Variants in FGF13 observed in about 807,000 individuals in gnomAD.
FGF13 encodes fibroblast growth factor homologous factor 2.
Under a neutral mutation model 19.5 loss-of-function variants are expected in FGF13, and 2 were observed. The observed-to-expected ratio is 0.10, with a 90% CI of 0.04 to 0.32. FGF13 has a LOEUF of 0.32. FGF13 is among the 10% of genes least tolerant of loss of function. The pLI, the probability that FGF13 is intolerant of heterozygous loss-of-function variation, is 1.00. For missense variants in FGF13, 113 were observed against 192.7 expected (o/e 0.59, Z 2.45); for synonymous variants, 72 against 76.9 (o/e 0.94, Z 0.33).
intron 3 of FGF13, among the ~76,000 whole-genome samples, chrX:138,769,775 A>T (rs2090531780): frequency 8.9e-6 from 1 of 112,328 alleles, no homozygotes; most frequent in Admixed American, 9.4e-5. Flanking sequence ...AGCCCCCTGG[A>T]ATTTGGGCCA....
At chrX:138,774,065 G>C (rs1256567073) in intron 3 of FGF13, among the ~76,000 whole-genome samples, 1 of 111,488 alleles carries the variant, frequency 9.0e-6, no homozygotes. Context: ...TGCCTGTAAA[G>C]CTCTTGCCTC....
intron 3 of FGF13, among the ~76,000 whole-genome samples, chrX:138,833,473 G>A (rs769124448): frequency 1.8e-5 from 2 of 111,969 alleles, no homozygotes; most frequent in South Asian, 7.5e-4. Context: ...GACTGTTGGT[G>A]TACAGGAATG....
chrX:139,037,712 A>T (rs7889036), intron 1 of FGF13, among the ~76,000 whole-genome samples: 17,624 of 111,605 alleles, frequency 0.16, 1,264 homozygotes, highest in African/African-American at 0.28. Flanking sequence ...ACAATTACAT[A>T]GGGCCTGCCC....
rs2089097600 is a variant in FGF13 at position 138,629,783 on chromosome X, G to T, written c.*3067C>A. The stretch of plus-strand genomic sequence containing the variant: ...CCTGGAAACTTGTTAGAAATGCCAA[G>T]TTTTGGGCCCACACAAGACTCACTC... On this transcript the variant is annotated 3_prime_UTR_variant, in exon 5 of 5. Transcript: ENST00000315930. 1.8e-5 allele frequency: 2 copies of T among 111,643 alleles called. No homozygotes were observed. The highest frequency in any genetic ancestry group is 3.8e-5 in the Non-Finnish European group (2 of 53,201). 9.2% of individuals were successfully genotyped at this position (111,643 alleles called of 1,213,427 possible).
intron 1 of FGF13, among the ~76,000 whole-genome samples, chrX:139,012,862 T>C (rs2092135471): frequency 8.9e-6 from 1 of 111,893 alleles, no homozygotes; most frequent in Non-Finnish European, 1.9e-5. Context: ...TTAATTAAAC[T>C]AAAAAGCTTC....
intron 1 of FGF13, among the ~76,000 whole-genome samples, chrX:139,051,360 T>C (rs1335361770): frequency 8.9e-6 from 1 of 111,908 alleles, no homozygotes; most frequent in African/African-American, 3.2e-5. Context: ...TCAGGTTGTG[T>C]ATCCTAAGTC....
chrX:138,660,708 CTAACTATA>C (rs2089482479), intron 3 of FGF13, among the ~76,000 whole-genome samples: 1 of 111,353 alleles, frequency 9.0e-6, no homozygotes, highest in African/African-American at 3.3e-5. Context: ...CTTATCCTAT[CTAACTATA>C]TTTTTGTACC....
intron 4 of FGF13, 87 bp downstream of exon 4, chrX:138,635,370 A>G (rs1456568159): frequency 9.0e-6 from 9 of 995,492 alleles, no homozygotes; most frequent in Non-Finnish European, 1.2e-5. Context: ...ACCAAAAACC[A>G]CCTGTACCCC....
At chrX:138,985,038 G>A (rs755229857) in intron 1 of FGF13, 1 of 371,972 alleles carries the variant, frequency 2.7e-6, no homozygotes, top group East Asian at 7.6e-5. Flanking sequence ...GCTTCCTCCT[G>A]AAGAACTCAA....
Position 138,708,744 on chromosome X carries a change from T to C in FGF13, c.298+74A>G, listed in dbSNP as rs763219652. 5.5e-5 allele frequency: 37 copies of C among 676,255 alleles called. No homozygotes were observed. In the African/African-American group the frequency reaches 7.3e-4, roughly 13 times the overall value. 55.7% of individuals were successfully genotyped at this position (676,255 alleles called of 1,213,427 possible). Reference sequence around the variant, plus strand: ...TTAATTCAGGATTTAGGAAAGCGTATTTATTTTTAAAATAAATAAAAACAG... The same window carrying C: ...TTAATTCAGGATTTAGGAAAGCGTACTTATTTTTAAAATAAATAAAAACAG... On this transcript the variant is annotated intron_variant, in intron 2 of 4. Transcript: ENST00000315930.
At chrX:138,759,403 C>T (rs2090451355) in intron 3 of FGF13, among the ~76,000 whole-genome samples, 1 of 112,643 alleles carries the variant, frequency 8.9e-6, no homozygotes, top group African/African-American at 3.2e-5. Context: ...CAGGGCATTG[C>T]TCTCCAGACA....
chrX:138,617,776 C>T lies in FGF13; in HGVS notation c.*15074G>A, dbSNP rs1325793975. Reference sequence around the variant, plus strand: ...GCAACATAGTGAGACCCCATCTCTACAAAAAATGTAAAAATATTAGCTGGG... The same window carrying T: ...GCAACATAGTGAGACCCCATCTCTATAAAAAATGTAAAAATATTAGCTGGG... On this transcript the variant is annotated 3_prime_UTR_variant, in exon 5 of 5. Transcript: ENST00000315930. 3.6e-5 allele frequency: 4 copies of T among 110,641 alleles called. No homozygotes were observed. The highest frequency in any genetic ancestry group is 7.6e-5 in the Non-Finnish European group (4 of 52,949). The allele number at this position is 110,641 out of a possible 1,213,427, so 9.1% of individuals were successfully genotyped here.
intron 2 of FGF13, among the ~76,000 whole-genome samples, chrX:138,706,703 GA>G (rs925585138): frequency 3.7e-5 from 4 of 109,036 alleles, no homozygotes; most frequent in South Asian, 3.9e-4. Context: ...TGGTTTTAAG[GA>G]AAAAAAAAGA....
intron 1 of FGF13, among the ~76,000 whole-genome samples, chrX:139,159,482 T>C (rs2084009018): frequency 9.0e-6 from 1 of 110,829 alleles, no homozygotes; most frequent in South Asian, 3.9e-4. Context: ...ATAACAGTAT[T>C]AACCTTAAAT....
intron 1 of FGF13, among the ~76,000 whole-genome samples, chrX:139,089,505 T>A (rs2083426472): frequency 8.9e-6 from 1 of 111,958 alleles, no homozygotes; most frequent in Non-Finnish European, 1.9e-5. Flanking sequence ...AGCCTCCACA[T>A]GATTAACTTC....
Position 138,802,215 on chromosome X carries a change from TGAAACCC to T in FGF13, c.217+55290_217+55296del, listed in dbSNP as rs2090834834. ...CCAAACAGCCACCCAGATTTGTGCTTGAAACCCACGGCCCTGGTGGTGTAAGCACACG... is the reference window on the plus strand; with the variant it reads ...CCAAACAGCCACCCAGATTTGTGCTTACGGCCCTGGTGGTGTAAGCACACG... On this transcript the variant is annotated intron_variant, in intron 3 of 6. Transcript: ENST00000436198. Among the ~76,000 whole-genome samples the T allele has an allele frequency of 5.3e-5, 6 of 112,442 alleles. No homozygotes were observed. In the Admixed American group the frequency reaches 5.6e-4, roughly 11 times the overall value.
chrX:139,173,088 C>T (rs1257026265), intron 1 of FGF13, among the ~76,000 whole-genome samples: 1 of 112,118 alleles, frequency 8.9e-6, no homozygotes, highest in Non-Finnish European at 1.9e-5. Flanking sequence ...AGGCAATTTG[C>T]AAGTGCCAAC....
chrX:138,724,073 C>T (rs746601569), intron 1 of FGF13, among the ~76,000 whole-genome samples: 5 of 112,036 alleles, frequency 4.5e-5, no homozygotes, highest in East Asian at 5.7e-4. Context: ...TTGCATACCA[C>T]TTGAGTGGAA....
chrX:139,174,615 G>A (rs2084164069), intron 1 of FGF13, among the ~76,000 whole-genome samples: 1 of 111,891 alleles, frequency 8.9e-6, no homozygotes, highest in South Asian at 3.7e-4. Flanking sequence ...TCTGCATATG[G>A]CTAGCCAGTT....
Sources: gnomAD v4.1 joint callset for allele counts (sites outside exome capture counted in the v4.1 genomes callset) on GRCh38, gnomAD v4.1.1 for gene constraint, MANE v1.5 for transcripts, NCBI Gene and HGNC (gene_info 2026-07-23, HGNC 2026-07-21) for gene names.